ZC3H12B: variants seen among roughly 807,000 people sequenced by gnomAD.
ZC3H12B encodes zinc finger CCCH-type containing 12B.
In ZC3H12B, 7 loss-of-function variants were observed where a neutral mutation model predicts 43.9. That is an observed-to-expected ratio of 0.16 (90% confidence interval 0.09 to 0.30). ZC3H12B has a LOEUF of 0.30. ZC3H12B is among the 10% of genes least tolerant of loss of function. The pLI is 1.00. For missense variants in ZC3H12B, 475 were observed against 670.2 expected (o/e 0.71, Z 3.22); for synonymous variants, 222 against 241.7 (o/e 0.92, Z 0.76).
chrX:65,142,210 G>T, the ZC3H12B span, among the ~76,000 whole-genome samples: 1 of 112,175 alleles, frequency 8.9e-6, no homozygotes, highest in African/African-American at 3.2e-5. Flanking sequence ...CAGGAGTAAG[G>T]TGGTATCACA....
chrX:65,125,405 A>G, the ZC3H12B span, among the ~76,000 whole-genome samples: 15,960 of 110,856 alleles, frequency 0.14, 2,742 homozygotes, highest in African/African-American at 0.49. Context: ...TTGTTTATGG[A>G]CTATCTTATA....
intron 3 of ZC3H12B, among the ~76,000 whole-genome samples, chrX:65,457,193 A>C (rs1453265609): frequency 9.1e-4 from 42 of 46,241 alleles, no homozygotes; most frequent in African/African-American, 1.6e-3. Context: ...AAGTGAGGAA[A>C]CCCTCTGCCT....
chrX:65,284,481 G>A, the ZC3H12B span, among the ~76,000 whole-genome samples: 2 of 111,684 alleles, frequency 1.8e-5, no homozygotes, highest in Admixed American at 9.5e-5. Context: ...CAGAGACAAG[G>A]CCGGGCACGG....
intron 3 of ZC3H12B, among the ~76,000 whole-genome samples, chrX:65,412,757 T>G (rs1457737606): frequency 1.8e-5 from 2 of 112,065 alleles, no homozygotes; most frequent in Non-Finnish European, 3.8e-5. Flanking sequence ...AGTAAGCCAC[T>G]GCACCTGGTC....
the ZC3H12B span, among the ~76,000 whole-genome samples, chrX:65,282,843 C>A: frequency 9.0e-6 from 1 of 111,665 alleles, no homozygotes; most frequent in South Asian, 3.8e-4. Context: ...AGCCTGCCAA[C>A]AAAAACAAGT....
the ZC3H12B span, among the ~76,000 whole-genome samples, chrX:65,084,366 G>A: frequency 9.0e-6 from 1 of 110,628 alleles, no homozygotes; most frequent in African/African-American, 3.3e-5. Context: ...ATCTGACAAG[G>A]GATTAATAAG....
chrX:65,393,489 C>G (rs1052569078), intron 2 of ZC3H12B, among the ~76,000 whole-genome samples: 2 of 110,750 alleles, frequency 1.8e-5, no homozygotes, highest in Non-Finnish European at 3.8e-5. Context: ...GTAATGTTCC[C>G]CTCCCTGTGT....
At chrX:65,147,062 C>T in the ZC3H12B span, among the ~76,000 whole-genome samples, 1 of 112,262 alleles carries the variant, frequency 8.9e-6, no homozygotes, top group Admixed American at 9.4e-5. Context: ...ATGTTGTTTA[C>T]TTTTTATGTA....
chrX:65,433,049 G>T (rs2148112005), intron 3 of ZC3H12B, among the ~76,000 whole-genome samples: 1 of 112,526 alleles, frequency 8.9e-6, no homozygotes, highest in African/African-American at 3.2e-5. Context: ...GCTTCTTGTG[G>T]GTCTTATGGA....
intron 3 of ZC3H12B, among the ~76,000 whole-genome samples, chrX:65,475,600 G>C (rs757296453): frequency 1.8e-5 from 2 of 111,421 alleles, no homozygotes; most frequent in African/African-American, 6.5e-5. Flanking sequence ...ATCCTTGTTT[G>C]TTTTAGTCTA....
chrX:65,269,280 G>T, the ZC3H12B span, among the ~76,000 whole-genome samples: 1 of 109,352 alleles, frequency 9.1e-6, no homozygotes, highest in Non-Finnish European at 1.9e-5. Flanking sequence ...GGGAGGTGGA[G>T]GTTGCAGTGA....
At chrX:65,261,664 T>C in the ZC3H12B span, among the ~76,000 whole-genome samples, 1 of 110,857 alleles carries the variant, frequency 9.0e-6, no homozygotes, top group Non-Finnish European at 1.9e-5. Flanking sequence ...ATCAAACCCA[T>C]AATTTCATGA....
the ZC3H12B span, among the ~76,000 whole-genome samples, chrX:65,204,899 G>T: frequency 8.9e-6 from 1 of 111,799 alleles, no homozygotes; most frequent in African/African-American, 3.2e-5. Flanking sequence ...TCTTTTCTCT[G>T]CAGCTTTTAT....
chrX:65,389,818 T>A (rs1055370715), intron 2 of ZC3H12B, among the ~76,000 whole-genome samples: 5 of 112,611 alleles, frequency 4.4e-5, no homozygotes, highest in South Asian at 3.6e-4. Context: ...GGGACTGTAA[T>A]CTAGTTCAAC....
the ZC3H12B span, among the ~76,000 whole-genome samples, chrX:65,270,136 G>C: frequency 4.5e-5 from 5 of 111,374 alleles, no homozygotes; most frequent in Non-Finnish European, 9.4e-5. Flanking sequence ...AAATTATATT[G>C]CAAAACTATA....
chrX:65,279,202 A>G, the ZC3H12B span, among the ~76,000 whole-genome samples: 1 of 110,778 alleles, frequency 9.0e-6, no homozygotes, highest in Non-Finnish European at 1.9e-5. Context: ...GCTCTTGAAG[A>G]AAACTTGCCA....
chrX:65,453,878 G>T (rs1016834518), intron 3 of ZC3H12B, among the ~76,000 whole-genome samples: 7 of 111,911 alleles, frequency 6.3e-5, no homozygotes, highest in African/African-American at 1.9e-4. Context: ...CGATGCAAAG[G>T]CATAAGAATT....
At chrX:65,353,604 G>A in the ZC3H12B span, among the ~76,000 whole-genome samples, 3 of 111,991 alleles carry the variant, frequency 2.7e-5, no homozygotes, top group Non-Finnish European at 5.6e-5. Context: ...TGGAATGCCA[G>A]TGAGACAGAA....
the ZC3H12B span, among the ~76,000 whole-genome samples, chrX:65,143,851 G>A: frequency 9.0e-6 from 1 of 110,893 alleles, no homozygotes; most frequent in Non-Finnish European, 1.9e-5. Context: ...TTACAAGCGT[G>A]AGCCACTGGA....
Sources: gnomAD v4.1 joint callset for allele counts (sites outside exome capture counted in the v4.1 genomes callset) on GRCh38, gnomAD v4.1.1 for gene constraint, MANE v1.5 for transcripts, NCBI Gene and HGNC (gene_info 2026-07-23, HGNC 2026-07-21) for gene names.